Variants in HMGCLL1 observed in about 807,000 individuals in gnomAD.
HMGCLL1 encodes 3-hydroxymethyl-3-methylglutaryl-CoA lyase, cytoplasmic.
HMGCLL1 carries 36 observed loss-of-function variants against 39.1 expected under a neutral mutation model. The ratio of observed to expected loss-of-function variants is 0.92; its 90% CI spans 0.71 to 1.22. The LOEUF (loss-of-function observed/expected upper bound fraction) is 1.22, where lower values mean the gene tolerates loss of function less well. Ranked by LOEUF, HMGCLL1 falls within the 50% of genes most tolerant of loss-of-function variation. The pLI is 0.00. For synonymous variants in HMGCLL1, 149 were observed against 144.0 expected (o/e 1.03, Z -0.25); for missense variants, 451 against 416.5 (o/e 1.08, Z -0.72).
intron 1 of HMGCLL1, among the ~76,000 whole-genome samples, chr6:55,560,051 T>C (rs953338864): frequency 3.9e-5 from 6 of 152,108 alleles, no homozygotes; most frequent in Admixed American, 2.6e-4. Flanking sequence ...CAATTGAGAG[T>C]GGAAAGTGTC....
intron 3 of HMGCLL1, among the ~76,000 whole-genome samples, chr6:55,539,945 G>A (rs1769276181): frequency 3.6e-5 from 1 of 27,528 alleles, no homozygotes; most frequent in African/African-American, 1.8e-4. Flanking sequence ...GGAGGAGAAG[G>A]AAGGAAGGAA....
chr6:55,641,463 CGT>C, the HMGCLL1 span, among the ~76,000 whole-genome samples: 2 of 151,676 alleles, frequency 1.3e-5, no homozygotes, highest in South Asian at 2.1e-4. Flanking sequence ...ATGTTATATA[CGT>C]GTGTGTGTGC....
chr6:55,661,452 C>T, the HMGCLL1 span, among the ~76,000 whole-genome samples: 4 of 151,968 alleles, frequency 2.6e-5, no homozygotes, highest in East Asian at 7.7e-4. Context: ...AGTATCCCAG[C>T]ACCATTCATT....
the HMGCLL1 span, among the ~76,000 whole-genome samples, chr6:55,654,713 C>A: frequency 1.3e-5 from 2 of 151,942 alleles, no homozygotes; most frequent in Non-Finnish European, 2.9e-5. Context: ...TAGCTCATCT[C>A]TGAAATATTA....
At chr6:55,609,257 GTGAA>G in the HMGCLL1 span, among the ~76,000 whole-genome samples, 3 of 152,160 alleles carry the variant, frequency 2.0e-5, no homozygotes, top group Non-Finnish European at 2.9e-5. Context: ...AGCCATCACT[GTGAA>G]TGTTAGCTTC....
chr6:55,677,239 A>C, the HMGCLL1 span, among the ~76,000 whole-genome samples: 2 of 152,140 alleles, frequency 1.3e-5, no homozygotes, highest in African/African-American at 2.4e-5. Context: ...TCTACAAAAC[A>C]ATTAGCCAGG....
In HMGCLL1 at chr6:55,435,606, A is replaced by G. The variant is rs73444903; in HGVS notation, c.*56T>C. The G allele has an allele frequency of 1.1e-4, 101 of 930,670 alleles. No homozygotes were observed. In the African/African-American group the frequency reaches 1.6e-3, roughly 15 times the overall value. 57.7% of individuals were successfully genotyped at this position (930,670 alleles called of 1,614,324 possible). A position where few individuals can be genotyped will look rare whatever the true frequency, so the allele number is the denominator to read the frequency against. ...GCAAGTTGGCATTAATGATTTTCAG[A>G]TGAGTATTGTAGCTGAAATTGATCT... On this transcript the variant is annotated 3_prime_UTR_variant, in exon 9 of 9. Transcript: ENST00000274901.
chr6:55,601,964 G>A, the HMGCLL1 span, among the ~76,000 whole-genome samples: 1 of 152,000 alleles, frequency 6.6e-6, no homozygotes, highest in Non-Finnish European at 1.5e-5. Flanking sequence ...CAATCCTAAT[G>A]TGTTCTCCTT....
chr6:55,600,849 T>C, the HMGCLL1 span, among the ~76,000 whole-genome samples: 1 of 152,114 alleles, frequency 6.6e-6, no homozygotes, highest in Non-Finnish European at 1.5e-5. Flanking sequence ...TTAACTATTG[T>C]AGAAGCTATG....
At chr6:55,453,799 T>A (rs1581796910) in intron 7 of HMGCLL1, among the ~76,000 whole-genome samples, 1 of 152,176 alleles carries the variant, frequency 6.6e-6, no homozygotes, top group African/African-American at 2.4e-5. Flanking sequence ...AAATTTGAGA[T>A]AAATTTACTA....
At position 55,541,716 on chromosome 6, in the gene HMGCLL1, T is replaced by G. The variant is rs1412168475; in HGVS notation, c.297+13A>C. ...GAATTAGGATCTAATTAAGAAATTG[T>G]GGGTTTACATACCTGTGGTACCCAT... On this transcript the variant is annotated intron_variant, in intron 3 of 8. Coordinates refer to ENST00000274901, the MANE Select transcript of HMGCLL1 (RefSeq NM_001042406.2). The G allele has an allele frequency of 1.4e-5, 19 of 1,334,164 alleles. No individual in the cohort carries two copies. The highest frequency in any genetic ancestry group is 1.9e-5 in the Non-Finnish European group (18 of 952,206). The allele number at this position is 1,334,164 out of a possible 1,614,324, so 82.6% of individuals were successfully genotyped here.
the HMGCLL1 span, among the ~76,000 whole-genome samples, chr6:55,596,871 T>G: frequency 3.9e-5 from 6 of 152,168 alleles, no homozygotes; most frequent in Admixed American, 3.3e-4. Context: ...CTATTTACTA[T>G]GTAGACATTG....
At chr6:55,448,755 T>A (rs911388060) in intron 7 of HMGCLL1, among the ~76,000 whole-genome samples, 1 of 152,162 alleles carries the variant, frequency 6.6e-6, no homozygotes, top group Admixed American at 6.6e-5. Context: ...ATTAGACCAG[T>A]GCTCCTGAAA....
the HMGCLL1 span, among the ~76,000 whole-genome samples, chr6:55,594,537 G>A: frequency 6.6e-6 from 1 of 152,152 alleles, no homozygotes. Context: ...TTAACACATG[G>A]TTAAATGTGC....
chr6:55,547,231 C>T (rs574466464), intron 1 of HMGCLL1, among the ~76,000 whole-genome samples: 9 of 152,032 alleles, frequency 5.9e-5, no homozygotes, highest in East Asian at 1.9e-4. Context: ...ATGTGCTTCA[C>T]TCACATTTTT....
At chr6:55,452,877 AC>A (rs2127390118) in intron 7 of HMGCLL1, among the ~76,000 whole-genome samples, 1 of 152,312 alleles carries the variant, frequency 6.6e-6, no homozygotes, top group African/African-American at 2.4e-5. Context: ...AATACAAAGA[AC>A]TTTAATACAA....
At chr6:55,627,931 C>CTA in the HMGCLL1 span, among the ~76,000 whole-genome samples, 517 of 1,056 alleles carry the variant, frequency 0.49, 174 homozygotes, top group South Asian at 0.56. Flanking sequence ...AATATATATA[C>CTA]TATATATATA....
At chr6:55,677,355 C>A in the HMGCLL1 span, among the ~76,000 whole-genome samples, 48 of 152,096 alleles carry the variant, frequency 3.2e-4, no homozygotes, top group Non-Finnish European at 3.5e-4. Context: ...CAGAGCGAGA[C>A]CCTATCTCAA....
At chr6:55,478,428 A>G (rs1348814120) in intron 7 of HMGCLL1, among the ~76,000 whole-genome samples, 4 of 151,546 alleles carry the variant, frequency 2.6e-5, no homozygotes, top group Non-Finnish European at 5.9e-5. Flanking sequence ...AGTATATATG[A>G]ATAATCCTAC....
Sources: allele counts gnomAD v4.1 joint callset (sites outside exome capture counted in the v4.1 genomes callset), GRCh38; gene constraint gnomAD v4.1.1; transcripts MANE v1.5; gene names NCBI Gene and HGNC (gene_info 2026-07-23, HGNC 2026-07-21).